The following COL1A2 variants were observed in gnomAD, a reference collection of about 807,000 sequenced individuals.
COL1A2 encodes collagen alpha-2(I) chain.
Under a neutral mutation model 174.3 loss-of-function variants are expected in COL1A2, and 49 were observed. The ratio of observed to expected loss-of-function variants is 0.28; its 90% CI spans 0.22 to 0.36. The LOEUF is 0.36. Among genes scored for constraint, COL1A2 ranks in the 10% least tolerant of loss-of-function variants. COL1A2 has a pLI of 1.00. For synonymous variants in COL1A2, 655 were observed against 606.6 expected, an observed-to-expected ratio of 1.08 and a Z score of -1.17; for missense variants, 1,438 against 1,822.7, an observed-to-expected ratio of 0.79 and a Z score of 3.84.
intron 28 of COL1A2, 33 bp downstream of exon 28, chr7:94,413,980 T>G (rs770020703): frequency 4.4e-6 from 7 of 1,581,570 alleles, no homozygotes; most frequent in Middle Eastern, 1.7e-4. Flanking sequence ...AATACTGCCT[T>G]TGGTCAGCCT....
chr7:94,395,524 G>A (rs1791565598), intron 1 of COL1A2: 2 of 328,772 alleles, frequency 6.1e-6, no homozygotes, highest in South Asian at 5.0e-5. Context: ...CTTCAACTGA[G>A]TAATGTAAAA....
At chr7:94,398,502 G>T (rs1236979011) in intron 3 of COL1A2, 106 bp downstream of exon 3, 5 of 458,828 alleles carry the variant, frequency 1.1e-5, no homozygotes, top group Non-Finnish European at 1.5e-5. Context: ...TCAAAATTTT[G>T]TTCATATGAA....
chr7:94,394,953 C>A lies in COL1A2; in HGVS notation c.-79C>A. 1 of 1,288,668 alleles carries A rather than the reference C, an allele frequency of 7.8e-7. No individual in the cohort carries two copies. Among genetic ancestry groups the A allele is most frequent in the Non-Finnish European group, 1.1e-6 (1 of 885,470 alleles). The allele number at this position is 1,288,668 out of a possible 1,614,324, so 79.8% of individuals were successfully genotyped here. A position where few individuals can be genotyped will look rare whatever the true frequency, so the allele number is the denominator to read the frequency against. On this transcript the variant is annotated 5_prime_UTR_variant, in exon 1 of 52. Coordinates refer to ENST00000297268, the MANE Select transcript of COL1A2 (RefSeq NM_000089.4). ...GGAGGTACTGGCCACGACTGCATGC[C>A]CGCGCCCGCCAGGTGATACCTCCGC...
chr7:94,404,234 G>C (rs1791748461), intron 6 of COL1A2, among the ~76,000 whole-genome samples: 1 of 152,180 alleles, frequency 6.6e-6, no homozygotes, highest in Non-Finnish European at 1.5e-5. Flanking sequence ...GAAGACAATT[G>C]TATATTCTGC....
intron 28 of COL1A2, 56 bp downstream of exon 28, chr7:94,414,003 A>G: frequency 6.7e-7 from 1 of 1,488,518 alleles, no homozygotes; most frequent in South Asian, 1.1e-5. Flanking sequence ...TGAGCTGTAA[A>G]TCACCATACC....
At chr7:94,408,108 G>T in intron 13 of COL1A2, 75 bp from the exon 14 acceptor site, 2 of 1,515,620 alleles carry the variant, frequency 1.3e-6, no homozygotes, top group South Asian at 2.3e-5. Flanking sequence ...GTTGGAAACT[G>T]AACAAAGCAA....
At chr7:94,410,115 C>T in intron 19 of COL1A2, 127 bp from the exon 20 acceptor site, 1 of 943,004 alleles carries the variant, frequency 1.1e-6, no homozygotes, top group South Asian at 1.4e-5. Context: ...TAAATATGAA[C>T]AGGGTACATT....
chr7:94,427,480 G>A (rs1792302981), intron 48 of COL1A2, 147 bp from the exon 49 acceptor site: 1 of 1,118,832 alleles, frequency 8.9e-7, no homozygotes, highest in African/African-American at 1.5e-5. Flanking sequence ...TGTGCCTGGG[G>A]GCTCGTTATT....
intron 28 of COL1A2, 58 bp downstream of exon 28, chr7:94,414,005 C>A (rs1791986565): frequency 4.7e-6 from 7 of 1,479,052 alleles, no homozygotes; most frequent in Non-Finnish European, 5.7e-6. Context: ...AGCTGTAAAT[C>A]ACCATACCGT....
chr7:94,419,355 T>G (rs1584325423), intron 33 of COL1A2, 143 bp from the exon 34 acceptor site: 1 of 918,246 alleles, frequency 1.1e-6, no homozygotes, highest in African/African-American at 1.6e-5. Flanking sequence ...AGAACCAAAA[T>G]ACATCAGAGG....
intron 9 of COL1A2, 142 bp from the exon 10 acceptor site, chr7:94,405,057 G>GT: frequency 9.2e-7 from 1 of 1,085,816 alleles, no homozygotes; most frequent in Non-Finnish European, 1.4e-6. Context: ...TAACCTACTT[G>GT]TATTAAGGGA....
intron 2 of COL1A2, 21 bp downstream of exon 2, chr7:94,397,779 A>G (rs1349869209): frequency 1.6e-6 from 2 of 1,274,088 alleles, no homozygotes; most frequent in African/African-American, 1.5e-5. Flanking sequence ...CTTTTTTTAG[A>G]ATTTTTAAAA....
intron 10 of COL1A2, 89 bp from the exon 11 acceptor site, chr7:94,405,584 G>A (rs1233282314): frequency 7.9e-7 from 1 of 1,267,260 alleles, no homozygotes; most frequent in Non-Finnish European, 1.2e-6. Context: ...CTTGAACTTT[G>A]ATGAGAATAA....
intron 50 of COL1A2, among the ~76,000 whole-genome samples, chr7:94,428,752 A>G (rs1345813557): frequency 6.6e-6 from 1 of 152,232 alleles, no homozygotes; most frequent in Non-Finnish European, 1.5e-5. Context: ...CTGGCCAGCT[A>G]TATGCCACAC....
chr7:94,397,692 G>T, intron 1 of COL1A2, 56 bp from the exon 2 acceptor site: 1 of 956,282 alleles, frequency 1.0e-6, no homozygotes, highest in South Asian at 1.5e-5. Flanking sequence ...TATTGCTATT[G>T]ATCCATGAAG....
intron 51 of COL1A2, 47 bp downstream of exon 51, chr7:94,429,477 G>C: frequency 1.2e-6 from 2 of 1,609,388 alleles, no homozygotes; most frequent in Non-Finnish European, 1.7e-6. Context: ...GTGGGATGGA[G>C]GGGGTTCTAA....
At chr7:94,397,119 T>C (rs1791600036) in intron 1 of COL1A2, among the ~76,000 whole-genome samples, 1 of 152,158 alleles carries the variant, frequency 6.6e-6, no homozygotes, top group Non-Finnish European at 1.5e-5. Context: ...AGTGAACTAA[T>C]TTAAAGCAAA....
At chr7:94,411,034 T>G (rs1375796563) in intron 22 of COL1A2, 22 bp from the exon 23 acceptor site, 2 of 311,634 alleles carry the variant, frequency 6.4e-6, no homozygotes, top group East Asian at 8.0e-5. Context: ...CCTCTATCTG[T>G]TTTTTTTTTT....
At chr7:94,397,632 TC>T (rs2115851251) in intron 1 of COL1A2, 115 bp from the exon 2 acceptor site, 1 of 602,738 alleles carries the variant, frequency 1.7e-6, no homozygotes, top group South Asian at 2.0e-5. Context: ...ATATAATTGG[TC>T]CTTAATTAGG....
Sources: gnomAD v4.1 joint callset for allele counts (sites outside exome capture counted in the v4.1 genomes callset) on GRCh38, gnomAD v4.1.1 for gene constraint, MANE v1.5 for transcripts, NCBI Gene and HGNC (gene_info 2026-07-23, HGNC 2026-07-21) for gene names.